FAM81B: variants seen among roughly 807,000 people sequenced by gnomAD.
FAM81B encodes protein FAM81B.
In FAM81B, 60 loss-of-function variants were observed where a neutral mutation model predicts 58.7. The ratio of observed to expected loss-of-function variants is 1.02; its 90% CI spans 0.83 to 1.27. The LOEUF (loss-of-function observed/expected upper bound fraction) is 1.27. Ranked by LOEUF, FAM81B falls within the 50% of genes most tolerant of loss-of-function variation. The pLI, the probability that FAM81B is intolerant of heterozygous loss-of-function variation, is 0.00. For synonymous variants in FAM81B, 189 were observed against 179.6 expected, an observed-to-expected ratio of 1.05 and a Z score of -0.42; for missense variants, 491 against 522.0, an observed-to-expected ratio of 0.94 and a Z score of 0.58.
chr5:95,396,385 C>A (rs536642623), intron 3 of FAM81B, among the ~76,000 whole-genome samples: 1 of 152,276 alleles, frequency 6.6e-6, no homozygotes, highest in Admixed American at 6.5e-5. Context: ...ACAGAACAAG[C>A]AGATTTAACT....
At chr5:95,403,965 A>G (rs949468289) in intron 3 of FAM81B, among the ~76,000 whole-genome samples, 1 of 152,162 alleles carries the variant, frequency 6.6e-6, no homozygotes, top group Non-Finnish European at 1.5e-5. Flanking sequence ...GGCTGTTGGG[A>G]GGGTAACCAA....
In FAM81B at chr5:95,436,850, G is replaced by A. The variant is rs996500686; in HGVS notation, c.837G>A (p.Ser279=). 2.5e-6 allele frequency: 4 copies of A among 1,613,894 alleles called. No homozygotes were observed. The highest frequency in any genetic ancestry group is 2.2e-5 in the East Asian group (1 of 44,878). Residue 279 remains serine (S), a synonymous_variant, in exon 7 of 10, where the codon TCG becomes TCA. Coordinates refer to ENST00000283357, the MANE Select transcript of FAM81B (RefSeq NM_152548.3). ...KIETASSEQT[S]NLKMVQGDYR... is the part of the protein sequence containing the mutation. ...AAACTGCCAGTTCTGAGCAAACCTCGAATTTAAAGATGGTCCAGGGGGATT... is the reference window on the plus strand; with the variant it reads ...AAACTGCCAGTTCTGAGCAAACCTCAAATTTAAAGATGGTCCAGGGGGATT...
chr5:95,431,830 T>G (rs563922785), intron 6 of FAM81B, among the ~76,000 whole-genome samples: 112 of 152,206 alleles, frequency 7.4e-4, no homozygotes, highest in African/African-American at 2.7e-3. Flanking sequence ...TTCTTGATTA[T>G]AGTAAGTTTT....
intron 7 of FAM81B, chr5:95,440,753 A>G (rs1745305521): frequency 2.9e-6 from 1 of 347,360 alleles, no homozygotes; most frequent in Admixed American, 3.8e-5. Flanking sequence ...CACTTCTGGC[A>G]TGTTTGAAAA....
chr5:95,415,904 C>A (rs948875417), intron 4 of FAM81B, among the ~76,000 whole-genome samples: 2 of 152,254 alleles, frequency 1.3e-5, no homozygotes, highest in Admixed American at 6.5e-5. Flanking sequence ...GTCTTTCTTT[C>A]AAATCTCTAG....
At chr5:95,404,354 G>A (rs1414492727) in intron 3 of FAM81B, among the ~76,000 whole-genome samples, 1 of 152,082 alleles carries the variant, frequency 6.6e-6, no homozygotes, top group East Asian at 1.9e-4. Context: ...CCAAATGAGT[G>A]GTAAATGCAA....
At chr5:95,449,642 T>G (rs1292109493) in intron 9 of FAM81B, among the ~76,000 whole-genome samples, 1 of 152,184 alleles carries the variant, frequency 6.6e-6, no homozygotes, top group Non-Finnish European at 1.5e-5. Context: ...GCCTTGAGGT[T>G]TGATAGGTCT....
intron 1 of FAM81B, 44 bp downstream of exon 1, chr5:95,391,557 C>A: frequency 6.4e-7 from 1 of 1,562,948 alleles, no homozygotes; most frequent in Non-Finnish European, 8.6e-7. Context: ...TCCTACTTCA[C>A]TATCTTTCTT....
chr5:95,400,971 G>C (rs1283392724), intron 3 of FAM81B, among the ~76,000 whole-genome samples: 1 of 138,810 alleles, frequency 7.2e-6, no homozygotes, highest in African/African-American at 2.7e-5. Flanking sequence ...TATCTCAAGA[G>C]GGCCACAAAT....
chr5:95,437,369 G>A (rs1023769213), intron 7 of FAM81B, among the ~76,000 whole-genome samples: 12 of 151,838 alleles, frequency 7.9e-5, no homozygotes, highest in African/African-American at 1.5e-4. Flanking sequence ...ATTTTGAGAC[G>A]GAGTCTCGCT....
intron 7 of FAM81B, chr5:95,440,234 G>T (rs1458134860): frequency 7.2e-6 from 5 of 689,908 alleles, no homozygotes; most frequent in East Asian, 3.4e-5. Flanking sequence ...TAGCTGTGAG[G>T]CTTGAATATG....
chr5:95,402,797 A>G (rs1295253170), intron 3 of FAM81B, among the ~76,000 whole-genome samples: 1 of 152,186 alleles, frequency 6.6e-6, no homozygotes, highest in African/African-American at 2.4e-5. Context: ...CCTCAGACAT[A>G]CAGGTGTGTG....
intron 3 of FAM81B, among the ~76,000 whole-genome samples, chr5:95,403,890 A>G (rs979664986): frequency 6.6e-6 from 1 of 152,222 alleles, no homozygotes; most frequent in African/African-American, 2.4e-5. Context: ...CTTTATGATT[A>G]GTTTGCCCCT....
chr5:95,412,083 C>T (rs1052697967), intron 3 of FAM81B, among the ~76,000 whole-genome samples: 3 of 151,742 alleles, frequency 2.0e-5, no homozygotes, highest in Non-Finnish European at 4.4e-5. Flanking sequence ...GGAGGTAGTC[C>T]ATTAGAGCTG....
chr5:95,427,015 C>G lies in FAM81B; in HGVS notation c.657-1588C>G, dbSNP rs866297029. Among the ~76,000 whole-genome samples the G allele has an allele frequency of 8.7e-4, 132 of 152,178 alleles. 2 individuals are homozygous for G. The highest frequency in any genetic ancestry group is 2.8e-3 in the African/African-American group (116 of 41,472). On this transcript the variant is annotated intron_variant, in intron 5 of 9. Transcript: ENST00000283357. ...AGTGAGCCGAGATTGTGCCACTGCA[C>G]TCCAGCCTGGGCGATAGAGCAAGAC... is the stretch of plus-strand genomic sequence containing the variant.
intron 3 of FAM81B, among the ~76,000 whole-genome samples, chr5:95,405,714 C>T (rs948674980): frequency 2.6e-5 from 4 of 152,198 alleles, no homozygotes; most frequent in Non-Finnish European, 5.9e-5. Flanking sequence ...ATCCTGGTCT[C>T]CAATGGAGCC....
chr5:95,400,427 C>CATAT (rs1002936765), intron 3 of FAM81B, among the ~76,000 whole-genome samples: 1 of 96,546 alleles, frequency 1.0e-5, no homozygotes, highest in African/African-American at 4.7e-5. Flanking sequence ...TACATACATA[C>CATAT]ATACATACAC....
At position 95,414,096 on chromosome 5, in the gene FAM81B, G is replaced by T; in HGVS notation, c.443G>T (p.Gly148Val). The change falls in exon 4 of 10, where the codon GGC (glycine) becomes GTC (valine). Residue 148 changes from glycine (G) to valine (V), a missense_variant. Gly to Val is a moderately radical substitution (Grantham distance 109, BLOSUM62 -3). Coordinates refer to ENST00000283357, the MANE Select transcript of FAM81B (RefSeq NM_152548.3). ...DISACLQGTH[G>V]FRKEESLARK... is the part of the protein sequence containing the mutation. ...TCTGCTTGCCTGCAGGGGACCCATG[G>T]CTTTCGAAAAGAGGAATCGCTCGCC... is the stretch of plus-strand genomic sequence containing the variant. 3 of 1,614,092 alleles carry T rather than the reference G, an allele frequency of 1.9e-6. No homozygotes were observed. Among genetic ancestry groups the T allele is most frequent in the Non-Finnish European group, 2.5e-6 (3 of 1,180,012 alleles).
At chr5:95,399,144 TGATATTTAAAATCTG>T (rs1195989285) in intron 3 of FAM81B, among the ~76,000 whole-genome samples, 2 of 152,208 alleles carry the variant, frequency 1.3e-5, no homozygotes, top group Non-Finnish European at 2.9e-5. Context: ...AGCCAAAGAA[TGATATTTAAAATCTG>T]GATACATAAA....
Sources: allele counts gnomAD v4.1 joint callset (sites outside exome capture counted in the v4.1 genomes callset), GRCh38; gene constraint gnomAD v4.1.1; transcripts MANE v1.5; gene names NCBI Gene and HGNC (gene_info 2026-07-23, HGNC 2026-07-21).